COL8A2: variants seen among roughly 807,000 people sequenced by gnomAD.
COL8A2 encodes the protein collagen alpha-2(VIII) chain.
In COL8A2, 16 loss-of-function variants were observed where a neutral mutation model predicts 24.0. That is an observed-to-expected ratio of 0.67 (90% CI 0.45 to 1.01). COL8A2 has a LOEUF of 1.01. Ranked by LOEUF, COL8A2 falls within the 50% of genes least tolerant of loss-of-function variation. The probability of loss-of-function intolerance (pLI) is 0.00; values close to 1 mark genes in which losing one functional copy is unlikely to be tolerated. For synonymous variants in COL8A2, 466 were observed against 424.5 expected (o/e 1.10, Z -1.20); for missense variants, 818 against 942.4 (o/e 0.87, Z 1.73).
Position 36,097,704 on chromosome 1 carries a change from T to C in COL8A2, c.1977A>G (p.Ala659=), listed in dbSNP as rs561961321. ...DEYKKGYLDQ[A]SGGAVLQLRP... is the part of the protein sequence containing the mutation. ...GCAGCTGGAGCACGGCCCCACCAGA[T>C]GCCTGGTCCAGGTAGCCCTTCTTGT... is the stretch of plus-strand genomic sequence containing the variant. Residue 659 remains alanine (A), a synonymous_variant, in exon 4 of 4, where the codon GCA becomes GCG. Coordinates refer to ENST00000397799, the MANE Select transcript of COL8A2 (RefSeq NM_005202.4). The C allele has an allele frequency of 3.2e-5, 51 of 1,573,010 alleles. 1 individual carries two copies. In the South Asian group the frequency reaches 5.4e-4, roughly 17 times the overall value.
chr1:36,111,186 G>C (rs1050265684), intron 2 of COL8A2, among the ~76,000 whole-genome samples: 1 of 151,844 alleles, frequency 6.6e-6, no homozygotes, highest in Non-Finnish European at 1.5e-5. Context: ...CCATCCATAT[G>C]TCCACACGGG....
Position 36,099,297 on chromosome 1 carries a change from TG to T in COL8A2, c.383del (p.Pro128GlnfsTer109). 6.4e-7 allele frequency: 1 copy of T among 1,567,764 alleles called. No individual in the cohort carries two copies. Among genetic ancestry groups the T allele is most frequent in the Non-Finnish European group, 8.6e-7 (1 of 1,157,718 alleles). ...GTGGCCCGACCTTGCCAGGGAGCCCTGGGGGACCAGCCTTGCCCATCCGGGA... is the reference window on the plus strand; with the variant it reads ...GTGGCCCGACCTTGCCAGGGAGCCCTGGGGACCAGCCTTGCCCATCCGGGA... ...GFSRMGKAGP[P>X]GLPGKVGPPG... On this transcript the variant is annotated frameshift_variant, in exon 4 of 4. Coordinates refer to ENST00000397799, the MANE Select transcript of COL8A2 (RefSeq NM_005202.4). LOFTEE classifies it low-confidence loss of function (END_TRUNC).
rs1039102198 is a variant in COL8A2 at position 36,125,210 on chromosome 1, C to A, written c.-215G>T. On this transcript the variant is annotated 5_prime_UTR_variant, in exon 1 of 4. Coordinates refer to ENST00000397799, the MANE Select transcript of COL8A2 (RefSeq NM_005202.4). The surrounding 1 kb of genome is among the most constrained non-coding windows in gnomAD (Gnocchi z 4.5). ...GCGTCGCTCTGCCGGCCGCCCCTCG[C>A]GGCTGCCGGAGTGGGCGGGCGGCAG... The A allele has an allele frequency of 4.5e-5, 15 of 331,324 alleles. No homozygotes were observed. The highest frequency in any genetic ancestry group is 2.9e-4 in the African/African-American group (13 of 44,770). The allele number at this position is 331,324 out of a possible 1,614,324, so 20.5% of individuals were successfully genotyped here.
chr1:36,121,496 G>A (rs1441557308), intron 1 of COL8A2, among the ~76,000 whole-genome samples: 1 of 151,248 alleles, frequency 6.6e-6, no homozygotes, highest in Non-Finnish European at 1.5e-5. Context: ...CAAGGCGGGC[G>A]GATCACCTGA....
chr1:36,105,683 C>T (rs958836140), intron 2 of COL8A2, among the ~76,000 whole-genome samples: 5 of 150,798 alleles, frequency 3.3e-5, no homozygotes, highest in African/African-American at 1.2e-4. Flanking sequence ...CATGGTGGCT[C>T]ACACTTGTAA....
chr1:36,104,685 C>T (rs1043196044), intron 2 of COL8A2, among the ~76,000 whole-genome samples: 109 of 152,112 alleles, frequency 7.2e-4, no homozygotes, highest in South Asian at 1.5e-3. Context: ...GTCCCGGCTA[C>T]TCAGGAGGCT....
intron 1 of COL8A2, among the ~76,000 whole-genome samples, chr1:36,122,471 C>T (rs989667367): frequency 7.2e-5 from 11 of 152,164 alleles, no homozygotes; most frequent in Non-Finnish European, 1.5e-4. Flanking sequence ...CTCGCAAACC[C>T]ACCCAGGCTT....
intron 2 of COL8A2, among the ~76,000 whole-genome samples, chr1:36,108,991 G>C (rs1643800272): frequency 6.6e-6 from 1 of 152,126 alleles, no homozygotes; most frequent in South Asian, 2.1e-4. Context: ...CCTGAGAGTT[G>C]GTGCCTCAGG....
At chr1:36,111,485 C>T (rs762349511) in intron 2 of COL8A2, among the ~76,000 whole-genome samples, 35 of 152,158 alleles carry the variant, frequency 2.3e-4, no homozygotes, top group Non-Finnish European at 3.5e-4. Flanking sequence ...CCCACCAGCT[C>T]CCACAGTGCC....
At chr1:36,119,949 C>A (rs1479075993) in intron 1 of COL8A2, among the ~76,000 whole-genome samples, 1 of 152,164 alleles carries the variant, frequency 6.6e-6, no homozygotes, top group Non-Finnish European at 1.5e-5. Context: ...CAGCCAGTGG[C>A]AGAATTGAGA....
intron 2 of COL8A2, among the ~76,000 whole-genome samples, chr1:36,106,656 G>T (rs1643766396): frequency 6.6e-6 from 1 of 152,136 alleles, no homozygotes; most frequent in South Asian, 2.1e-4. Flanking sequence ...GTGATGGAGG[G>T]TGCAGCTGGG....
intron 2 of COL8A2, among the ~76,000 whole-genome samples, chr1:36,114,374 G>A (rs1161132447): frequency 1.3e-5 from 2 of 150,932 alleles, no homozygotes; most frequent in African/African-American, 2.4e-5. Context: ...GCCTGGAGGA[G>A]GCCCACGGAT....
intron 1 of COL8A2, among the ~76,000 whole-genome samples, chr1:36,122,888 G>A (rs1251751256): frequency 6.6e-6 from 1 of 151,952 alleles, no homozygotes; most frequent in Non-Finnish European, 1.5e-5. Flanking sequence ...TGATCCAACA[G>A]TGCCCATTAC....
intron 2 of COL8A2, among the ~76,000 whole-genome samples, chr1:36,106,705 C>A (rs1643767026): frequency 2.5e-5 from 1 of 40,282 alleles, no homozygotes. Flanking sequence ...GGAGCTCAGG[C>A]AGCAGGGCGC....
At position 36,125,070 on chromosome 1, in the gene COL8A2, C is replaced by T; in HGVS notation, c.-75G>A. ...CCTGGCCTTTACCTGCGGGCGCGGC[C>T]GCCGGGCGCCGCTCCCGGCCCTCGA... On this transcript the variant is annotated 5_prime_UTR_variant, in exon 1 of 4. Coordinates refer to ENST00000397799, the MANE Select transcript of COL8A2 (RefSeq NM_005202.4). This position sits in a 1 kb window ranked among gnomAD's most constrained non-coding sequence, Gnocchi z 4.5. 3.1e-6 allele frequency: 3 copies of T among 980,934 alleles called. No homozygotes were observed. Among genetic ancestry groups the T allele is most frequent in the Non-Finnish European group, 3.6e-6 (3 of 826,876 alleles). The allele number at this position is 980,934 out of a possible 1,614,324, so 60.8% of individuals were successfully genotyped here.
Position 36,099,320 on chromosome 1 carries a change from G to A in COL8A2, c.361C>T (p.Arg121Trp), listed in dbSNP as rs201383455. The change falls in exon 4 of 4, where the codon CGG becomes TGG. Residue 121 changes from arginine to tryptophan, a missense_variant. By Grantham distance (101) the Arg-to-Trp change is moderately radical. This residue lies in a region of COL8A2 where 573 missense variants were observed against 616.8 expected (regional missense o/e 0.93). Transcript: ENST00000397799. ...CCTGGGGGACCAGCCTTGCCCATCCGGGAGAAGCCAGGGGGCCCAGCAGGG... is the reference window on the plus strand; with the variant it reads ...CCTGGGGGACCAGCCTTGCCCATCCAGGAGAAGCCAGGGGGCCCAGCAGGG... ...PGPAGPPGFS[R>W]MGKAGPPGLP... 324 of 1,581,526 alleles carry A rather than the reference G, an allele frequency of 2.0e-4. 1 individual carries two copies. In the East Asian group the frequency reaches 2.6e-3, roughly 13 times the overall value.
chr1:36,118,549 C>A (rs1643890150), intron 1 of COL8A2, among the ~76,000 whole-genome samples: 1 of 152,234 alleles, frequency 6.6e-6, no homozygotes, highest in South Asian at 2.1e-4. Flanking sequence ...CTGTTCTTAA[C>A]CTTCACCCCC....
chr1:36,117,733 T>C (rs1320866616), intron 1 of COL8A2, among the ~76,000 whole-genome samples: 1 of 151,906 alleles, frequency 6.6e-6, no homozygotes, highest in African/African-American at 2.4e-5. Flanking sequence ...TCATGAAAAG[T>C]AGAGCCTGGA....
rs748833819 is a variant in COL8A2, at chr1:36,099,077, G to T, written c.604C>A (p.Arg202=). 2 of 1,507,266 alleles carry T rather than the reference G, an allele frequency of 1.3e-6. No individual in the cohort carries two copies. Among genetic ancestry groups the T allele is most frequent in the Admixed American group, 2.3e-5 (1 of 43,394 alleles). The allele number at this position is 1,507,266 out of a possible 1,614,324, so 93.4% of individuals were successfully genotyped here. ...PQGEPGPPGD[R]GLKGDNGVGQ... is the part of the protein sequence containing the mutation. ...ACTCCATTATCCCCCTTGAGGCCTCGATCACCTGGGGGCCCAGGCTCCCCC... is the reference window on the plus strand; with the variant it reads ...ACTCCATTATCCCCCTTGAGGCCTCTATCACCTGGGGGCCCAGGCTCCCCC... The change falls in exon 4 of 4, where the codon CGA becomes AGA. Residue 202 remains arginine (R), a synonymous_variant. Transcript: ENST00000397799.
Sources: gnomAD v4.1 joint callset for allele counts (sites outside exome capture counted in the v4.1 genomes callset) on GRCh38, gnomAD v4.1.1 for gene constraint, gnomAD v4.1.1 regional missense constraint, Gnocchi (gnomAD v3.1) non-coding constraint, MANE v1.5 for transcripts, NCBI Gene and HGNC (gene_info 2026-07-23, HGNC 2026-07-21) for gene names.